ACTN1: variants seen among roughly 807,000 people sequenced by gnomAD.
The protein encoded by ACTN1 is actinin alpha 1, also known as alpha-actinin-1.
Under a neutral mutation model 119.6 loss-of-function variants are expected in ACTN1, and 30 were observed. The ratio of observed to expected loss-of-function variants is 0.25; its 90% CI spans 0.19 to 0.34. ACTN1 has a LOEUF of 0.34. ACTN1 is among the 10% of genes least tolerant of loss of function. ACTN1 has a pLI of 1.00. For missense variants in ACTN1, 764 were observed against 1,223.4 expected, an observed-to-expected ratio of 0.62 and a Z score of 5.60; for synonymous variants, 429 against 472.6, an observed-to-expected ratio of 0.91 and a Z score of 1.20.
intron 1 of ACTN1, among the ~76,000 whole-genome samples, chr14:68,965,400 C>T (rs779851477): frequency 6.6e-6 from 1 of 152,262 alleles, no homozygotes; most frequent in Non-Finnish European, 1.5e-5. Flanking sequence ...GAAAGCCTTG[C>T]TCCCTGGCTC....
At chr14:68,902,975 T>G (rs936524293) in intron 7 of ACTN1, among the ~76,000 whole-genome samples, 2 of 152,160 alleles carry the variant, frequency 1.3e-5, no homozygotes, top group African/African-American at 2.4e-5. Flanking sequence ...TTAGGGAAAT[T>G]TCATTATGAA....
intron 10 of ACTN1, among the ~76,000 whole-genome samples, chr14:68,891,126 T>C (rs554083286): frequency 2.4e-4 from 36 of 152,228 alleles, no homozygotes; most frequent in African/African-American, 8.2e-4. Context: ...TGGGCTGCCG[T>C]CTCCCCACGA....
At chr14:68,971,450 C>T (rs773814479) in intron 1 of ACTN1, among the ~76,000 whole-genome samples, 3 of 152,192 alleles carry the variant, frequency 2.0e-5, no homozygotes, top group African/African-American at 7.2e-5. Flanking sequence ...CATTTACCTC[C>T]GAGTACCTTG....
chr14:68,970,884 G>A (rs998202704), intron 1 of ACTN1, among the ~76,000 whole-genome samples: 2 of 152,158 alleles, frequency 1.3e-5, no homozygotes, highest in African/African-American at 2.4e-5. Context: ...TCCAGGCTAC[G>A]GAAAGCCTGG....
intron 1 of ACTN1, among the ~76,000 whole-genome samples, chr14:68,976,966 C>T (rs1007760740): frequency 6.6e-6 from 1 of 152,190 alleles, no homozygotes; most frequent in African/African-American, 2.4e-5. Context: ...CTCCCCACTG[C>T]GTTTAATATA....
At chr14:68,899,133 CCACACCTCACCCTACACCT>C (rs1260915313) in intron 8 of ACTN1, among the ~76,000 whole-genome samples, 1 of 144,154 alleles carries the variant, frequency 6.9e-6, no homozygotes, top group East Asian at 2.1e-4. Flanking sequence ...CACACCACAC[CCACACCTCACCCTACACCT>C]CACACCACAC....
intron 3 of ACTN1, among the ~76,000 whole-genome samples, chr14:68,914,884 A>G (rs1165409352): frequency 6.6e-6 from 1 of 152,228 alleles, no homozygotes; most frequent in East Asian, 1.9e-4. Context: ...AAACAATAAT[A>G]ATAATTTCTG....
At chr14:68,907,588 C>CA (rs141220527) in intron 6 of ACTN1, among the ~76,000 whole-genome samples, 3 of 151,788 alleles carry the variant, frequency 2.0e-5, no homozygotes, top group East Asian at 3.9e-4. Flanking sequence ...AAAACAAAAA[C>CA]AAAAAAACAC....
intron 1 of ACTN1, among the ~76,000 whole-genome samples, chr14:68,929,694 C>T (rs961773459): frequency 1.8e-4 from 28 of 152,196 alleles, no homozygotes; most frequent in Admixed American, 3.9e-4. Flanking sequence ...GCAGCGGCAA[C>T]GGCCTGTTCC....
At chr14:68,967,047 G>T (rs558576101) in intron 1 of ACTN1, among the ~76,000 whole-genome samples, 5 of 152,192 alleles carry the variant, frequency 3.3e-5, no homozygotes, top group African/African-American at 7.2e-5. Flanking sequence ...ACCATTGGAC[G>T]CACCAGCTCA....
chr14:68,894,355 A>T (rs542836704), intron 8 of ACTN1, among the ~76,000 whole-genome samples: 29 of 152,304 alleles, frequency 1.9e-4, no homozygotes, highest in African/African-American at 6.5e-4. Context: ...TATGGGCTCA[A>T]TGCCCAGCAA....
chr14:68,912,053 C>T, intron 4 of ACTN1, 103 bp downstream of exon 4: 2 of 981,190 alleles, frequency 2.0e-6, no homozygotes, highest in South Asian at 1.4e-5. Context: ...CAGGACATGG[C>T]CCCTGATCAA....
At chr14:68,892,342 G>T (rs955010244) in intron 9 of ACTN1, 59 bp from the exon 10 acceptor site, 2 of 1,538,662 alleles carry the variant, frequency 1.3e-6, no homozygotes, top group African/African-American at 2.7e-5. Flanking sequence ...GTGTGCTAGG[G>T]CCAGCCTCCC....
intron 7 of ACTN1, 53 bp from the exon 8 acceptor site, chr14:68,902,615 C>T (rs552728335): frequency 4.7e-6 from 7 of 1,485,984 alleles, no homozygotes; most frequent in Middle Eastern, 3.4e-4. Context: ...ACACCATACA[C>T]CCCCGACGTG....
At chr14:68,951,594 C>A (rs1365378624) in intron 1 of ACTN1, among the ~76,000 whole-genome samples, 1 of 152,146 alleles carries the variant, frequency 6.6e-6, no homozygotes, top group Non-Finnish European at 1.5e-5. Flanking sequence ...CCAACTCTAA[C>A]GTGAAGGTGA....
intron 11 of ACTN1, chr14:68,888,324 G>C (rs919791695): frequency 3.1e-5 from 9 of 286,058 alleles, no homozygotes. Context: ...TGCCCCTGCT[G>C]GTGGCTGGCA....
At position 68,925,547 on chromosome 14, in the gene ACTN1, T is replaced by G. The variant is rs4899272; in HGVS notation, c.220+11A>C. The stretch of plus-strand genomic sequence containing the variant: ...AGACAGTATCTCGTCCTGGGCCAGG[T>G]TCCGCCTCACCTGAGATGACCTCCA... On this transcript the variant is annotated intron_variant, in intron 2 of 21. Transcript: ENST00000394419. This position sits in a 1 kb window ranked among gnomAD's most constrained non-coding sequence, Gnocchi z 4.3. The G allele has an allele frequency of 0.65, 1,036,961 of 1,606,296 alleles. 342,796 individuals carry two copies. Among genetic ancestry groups the G allele is most frequent in the East Asian group, 0.99 (44,259 of 44,696 alleles).
intron 1 of ACTN1, among the ~76,000 whole-genome samples, chr14:68,971,021 G>A (rs149012594): frequency 4.2e-4 from 64 of 152,268 alleles, no homozygotes; most frequent in Middle Eastern, 3.4e-3. Context: ...TTAAAAATGC[G>A]CCACAATGAG....
chr14:68,893,872 G>T, intron 8 of ACTN1, 125 bp from the exon 9 acceptor site: 2 of 836,350 alleles, frequency 2.4e-6, no homozygotes, highest in African/African-American at 1.7e-5. Flanking sequence ...GAGTTAAGAA[G>T]GCTGTGAGGT....
Sources: gnomAD v4.1 joint callset for allele counts (sites outside exome capture counted in the v4.1 genomes callset) on GRCh38, gnomAD v4.1.1 for gene constraint, Gnocchi (gnomAD v3.1) non-coding constraint, MANE v1.5 for transcripts, NCBI Gene and HGNC (gene_info 2026-07-23, HGNC 2026-07-21) for gene names.